The following EXOC6B variants were observed in gnomAD, a reference collection of about 807,000 sequenced individuals.
EXOC6B encodes SEC15 homolog B.
EXOC6B carries 54 observed loss-of-function variants against 113.5 expected under a neutral mutation model. That is an observed-to-expected ratio of 0.48 (90% CI 0.38 to 0.60). EXOC6B has a LOEUF of 0.60. Among genes scored for constraint, EXOC6B ranks in the 20% least tolerant of loss-of-function variants. EXOC6B has a pLI of 0.00. For synonymous variants in EXOC6B, 357 were observed against 339.0 expected (o/e 1.05, Z -0.58); for missense variants, 797 against 977.5 (o/e 0.82, Z 2.46).
chr2:72,535,275 G>C (rs1702218364), intron 8 of EXOC6B, among the ~76,000 whole-genome samples: 1 of 152,112 alleles, frequency 6.6e-6, no homozygotes, highest in Non-Finnish European at 1.5e-5. Flanking sequence ...AAATGTACCT[G>C]CAACAAATAT....
chr2:72,431,062 T>G (rs1190115059), intron 18 of EXOC6B, among the ~76,000 whole-genome samples: 5 of 152,220 alleles, frequency 3.3e-5, no homozygotes, highest in Non-Finnish European at 2.9e-5. Flanking sequence ...ATGTTATTAT[T>G]ACTTTAATCA....
intron 6 of EXOC6B, among the ~76,000 whole-genome samples, chr2:72,582,524 G>C (rs956662008): frequency 1.5e-5 from 2 of 134,768 alleles, no homozygotes; most frequent in African/African-American, 4.9e-5. Context: ...CTCCAAAATA[G>C]AAAAGAAGTA....
chr2:72,346,728 AAT>A (rs1689359367), intron 19 of EXOC6B, among the ~76,000 whole-genome samples: 1 of 152,136 alleles, frequency 6.6e-6, no homozygotes, highest in South Asian at 2.1e-4. Context: ...TAATTTTTGC[AAT>A]ATGTGGTTCC....
At chr2:72,415,192 C>T (rs548568128) in intron 18 of EXOC6B, among the ~76,000 whole-genome samples, 35 of 152,220 alleles carry the variant, frequency 2.3e-4, no homozygotes, top group Middle Eastern at 3.4e-3. Flanking sequence ...ATGAGCTTTA[C>T]GGTTCTAAAT....
chr2:72,271,688 G>T lies in EXOC6B; in HGVS notation c.2196+63259C>A, dbSNP rs72835297. ...TGTTTACCTCTAGAGAAAAACTCACGTTTTCATCTTGACAAATACTTCTGG... is the reference window on the plus strand; with the variant it reads ...TGTTTACCTCTAGAGAAAAACTCACTTTTTCATCTTGACAAATACTTCTGG... On this transcript the variant is annotated intron_variant, in intron 20 of 21. Transcript: ENST00000272427. Among the ~76,000 whole-genome samples, 505 of 152,108 alleles carry T rather than the reference G, an allele frequency of 3.3e-3. 3 individuals are homozygous for T. The highest frequency in any genetic ancestry group is 5.6e-3 in the Non-Finnish European group (379 of 67,970).
intron 19 of EXOC6B, among the ~76,000 whole-genome samples, chr2:72,368,836 A>C (rs888613087): frequency 3.9e-5 from 6 of 152,228 alleles, no homozygotes; most frequent in Admixed American, 3.3e-4. Context: ...AAAAACTCTC[A>C]ATAAATTAGG....
intron 20 of EXOC6B, among the ~76,000 whole-genome samples, chr2:72,211,383 G>C (rs774126068): frequency 3.3e-4 from 50 of 152,286 alleles, no homozygotes; most frequent in Non-Finnish European, 4.7e-4. Flanking sequence ...TCTTCTGCTA[G>C]AGCTGTACTG....
chr2:72,538,673 C>G (rs1702434799), intron 8 of EXOC6B, among the ~76,000 whole-genome samples: 1 of 152,046 alleles, frequency 6.6e-6, no homozygotes, highest in African/African-American at 2.4e-5. Context: ...AAACTCTGTC[C>G]AAAGCCATAA....
At chr2:72,746,827 T>C (rs1681728940) in intron 1 of EXOC6B, among the ~76,000 whole-genome samples, 1 of 152,030 alleles carries the variant, frequency 6.6e-6, no homozygotes, top group African/African-American at 2.4e-5. Flanking sequence ...TCAGTCTATC[T>C]CTTTGAACAA....
At chr2:72,479,115 C>T (rs1476658837) in intron 17 of EXOC6B, among the ~76,000 whole-genome samples, 1 of 152,018 alleles carries the variant, frequency 6.6e-6, no homozygotes, top group African/African-American at 2.4e-5. Context: ...AAATTAGTAT[C>T]ATTAGACATT....
intron 6 of EXOC6B, among the ~76,000 whole-genome samples, chr2:72,648,325 G>A (rs1053980248): frequency 1.3e-5 from 2 of 152,200 alleles, no homozygotes; most frequent in African/African-American, 2.4e-5. Flanking sequence ...CTTTTACACC[G>A]TTGGTGGGAG....
At chr2:72,438,530 G>A (rs1204000967) in intron 18 of EXOC6B, among the ~76,000 whole-genome samples, 3 of 152,138 alleles carry the variant, frequency 2.0e-5, no homozygotes, top group East Asian at 1.9e-4. Flanking sequence ...GATCACTTAA[G>A]TCCAGCAGTT....
intron 20 of EXOC6B, among the ~76,000 whole-genome samples, chr2:72,206,430 T>A (rs918868586): frequency 2.0e-5 from 3 of 152,202 alleles, no homozygotes; most frequent in Non-Finnish European, 4.4e-5. Flanking sequence ...CCTTGAACAC[T>A]ACTATCAGTT....
intron 20 of EXOC6B, among the ~76,000 whole-genome samples, chr2:72,208,007 A>G (rs1359783185): frequency 6.6e-6 from 1 of 152,154 alleles, no homozygotes; most frequent in Admixed American, 6.5e-5. Flanking sequence ...GCAAATTTAT[A>G]CTCTCTAACT....
At chr2:72,280,453 A>G (rs1685064994) in intron 20 of EXOC6B, among the ~76,000 whole-genome samples, 1 of 152,142 alleles carries the variant, frequency 6.6e-6, no homozygotes, top group Non-Finnish European at 1.5e-5. Flanking sequence ...ATGTTAACCT[A>G]TAAGAATCAC....
chr2:72,232,024 G>A (rs1681654630), intron 20 of EXOC6B, among the ~76,000 whole-genome samples: 1 of 151,994 alleles, frequency 6.6e-6, no homozygotes, highest in African/African-American at 2.4e-5. Context: ...ACCCAGGTTG[G>A]AGTGCAGTGG....
chr2:72,540,284 G>C lies in EXOC6B; in HGVS notation c.915+19169C>G, dbSNP rs190022923. Among the ~76,000 whole-genome samples, 1,062 of 152,066 alleles carry C rather than the reference G, an allele frequency of 7.0e-3. 13 individuals are homozygous for C. Among genetic ancestry groups the C allele is most frequent in the African/African-American group, 0.024 (1,016 of 41,480 alleles). On this transcript the variant is annotated intron_variant, in intron 8 of 21. Coordinates refer to ENST00000272427, the MANE Select transcript of EXOC6B (RefSeq NM_015189.3). ...TGTGCATGTGTCTTTATAGCAGCAT[G>C]ATTTATAGTCCTTTGGGTACTTTAA... is the stretch of plus-strand genomic sequence containing the variant.
At position 72,179,284 on chromosome 2, in the gene EXOC6B, G is replaced by C. The variant is rs1677933199; in HGVS notation, c.*51C>G. The C allele has an allele frequency of 5.9e-6, 9 of 1,518,264 alleles. No homozygotes were observed. Among genetic ancestry groups the C allele is most frequent in the Non-Finnish European group, 2.6e-6 (3 of 1,133,450 alleles). 94.0% of individuals were successfully genotyped at this position (1,518,264 alleles called of 1,614,324 possible). On this transcript the variant is annotated 3_prime_UTR_variant, in exon 22 of 22. Coordinates refer to ENST00000272427, the MANE Select transcript of EXOC6B (RefSeq NM_015189.3). ...CAGGGTCAGCTGGGGCTGGACCCCA[G>C]ACTGACACAGAGGCTGCAGCAGGTC...
chr2:72,574,400 A>G (rs948260400), intron 7 of EXOC6B, among the ~76,000 whole-genome samples: 10 of 152,184 alleles, frequency 6.6e-5, no homozygotes, highest in Non-Finnish European at 2.9e-5. Context: ...GTGAAATCCT[A>G]TGGGGTAGAG....
Sources: allele counts gnomAD v4.1 joint callset (sites outside exome capture counted in the v4.1 genomes callset), GRCh38; gene constraint gnomAD v4.1.1; transcripts MANE v1.5; gene names NCBI Gene and HGNC (gene_info 2026-07-23, HGNC 2026-07-21).